The following PPP1R12A variants were observed in gnomAD, a reference collection of about 807,000 sequenced individuals.
PPP1R12A encodes protein phosphatase 1 regulatory subunit 12A.
In PPP1R12A, 19 loss-of-function variants were observed where a neutral mutation model predicts 139.6. The ratio of observed to expected loss-of-function variants is 0.14; its 90% CI spans 0.09 to 0.20. The LOEUF is 0.20. Ranked by LOEUF, PPP1R12A falls within the 10% of genes least tolerant of loss-of-function variation. The pLI, the probability that PPP1R12A is intolerant of heterozygous loss-of-function variation, is 1.00. For synonymous variants in PPP1R12A, 427 were observed against 420.6 expected (o/e 1.02, Z -0.19); for missense variants, 925 against 1,211.5 (o/e 0.76, Z 3.51).
intron 2 of PPP1R12A, among the ~76,000 whole-genome samples, chr12:79,867,524 A>T (rs1282191669): frequency 1.9e-5 from 1 of 52,310 alleles, no homozygotes; most frequent in Non-Finnish European, 9.1e-5. Context: ...AATATTACTT[A>T]AACTAGAAAA....
chr12:79,875,454 C>CT (rs1265694263), intron 1 of PPP1R12A, among the ~76,000 whole-genome samples: 8 of 151,864 alleles, frequency 5.3e-5, no homozygotes, highest in South Asian at 2.1e-4. Context: ...GGCAAGTGGC[C>CT]TCTTTTTTTC....
At chr12:79,843,147 G>A (rs1555215844) in intron 3 of PPP1R12A, among the ~76,000 whole-genome samples, 2 of 151,950 alleles carry the variant, frequency 1.3e-5, no homozygotes, top group Admixed American at 6.6e-5. Context: ...ATATTTCACT[G>A]TATATATATT....
chr12:79,786,570 T>C (rs1871161079), intron 21 of PPP1R12A, 92 bp from the exon 22 acceptor site: 1 of 778,646 alleles, frequency 1.3e-6, no homozygotes, highest in East Asian at 2.9e-5. Flanking sequence ...TTAAAACAGC[T>C]TAATGTAGCA....
At chr12:79,929,050 A>ATTCACAAAT (rs1401826970) in intron 1 of PPP1R12A, among the ~76,000 whole-genome samples, 2 of 152,090 alleles carry the variant, frequency 1.3e-5, no homozygotes, top group Non-Finnish European at 2.9e-5. Context: ...GTGAATGACA[A>ATTCACAAAT]TTTTTCCACA....
intron 3 of PPP1R12A, among the ~76,000 whole-genome samples, chr12:79,834,863 C>A (rs1264518347): frequency 1.3e-5 from 2 of 152,296 alleles, no homozygotes; most frequent in East Asian, 3.9e-4. Context: ...TACCTAGCAA[C>A]CTGAAAGTCA....
intron 9 of PPP1R12A, among the ~76,000 whole-genome samples, chr12:79,814,791 G>A (rs1272007793): frequency 1.7e-4 from 22 of 132,494 alleles, no homozygotes; most frequent in Non-Finnish European, 7.7e-5. Context: ...CCCCAGCCTG[G>A]GTGACAAGAG....
At chr12:79,875,456 C>T (rs1450078) in intron 1 of PPP1R12A, among the ~76,000 whole-genome samples, 139,251 of 152,224 alleles carry the variant, frequency 0.91, 63,989 homozygotes, top group Middle Eastern at 0.95. Flanking sequence ...CAAGTGGCCT[C>T]TTTTTTTCTA....
chr12:79,864,931 C>G (rs943029529), intron 2 of PPP1R12A, among the ~76,000 whole-genome samples: 1 of 152,118 alleles, frequency 6.6e-6, no homozygotes, highest in Non-Finnish European at 1.5e-5. Flanking sequence ...CTATTCTGAT[C>G]AACAGAAAAA....
At chr12:79,851,087 A>C (rs373358463) in intron 2 of PPP1R12A, among the ~76,000 whole-genome samples, 1 of 152,236 alleles carries the variant, frequency 6.6e-6, no homozygotes. Context: ...ACAAAGTTTT[A>C]AAAATCAGAA....
intron 8 of PPP1R12A, chr12:79,818,804 T>A (rs1402365796): frequency 6.6e-6 from 1 of 152,192 alleles, no homozygotes; most frequent in Non-Finnish European, 1.5e-5. Flanking sequence ...AATAATTTAT[T>A]TTACAAAATT....
intron 2 of PPP1R12A, among the ~76,000 whole-genome samples, chr12:79,863,450 C>T (rs1041144002): frequency 2.9e-4 from 44 of 151,978 alleles, no homozygotes; most frequent in Admixed American, 2.3e-3. Flanking sequence ...ATGACAGGAT[C>T]GAATTCACAC....
chr12:79,784,359 T>C (rs1166024373), intron 22 of PPP1R12A, among the ~76,000 whole-genome samples: 1 of 152,192 alleles, frequency 6.6e-6, no homozygotes, highest in Non-Finnish European at 1.5e-5. Context: ...CCTACTTCTC[T>C]TGCCAGGTAA....
chr12:79,840,723 T>A (rs2137188722), intron 3 of PPP1R12A, among the ~76,000 whole-genome samples: 1 of 152,338 alleles, frequency 6.6e-6, no homozygotes, highest in East Asian at 1.9e-4. Context: ...GTTTTGGCTC[T>A]TATCATCTTT....
intron 22 of PPP1R12A, among the ~76,000 whole-genome samples, chr12:79,784,721 T>G (rs1271722067): frequency 6.6e-6 from 1 of 152,104 alleles, no homozygotes; most frequent in Non-Finnish European, 1.5e-5. Context: ...TACTGCAACC[T>G]CCACCTCCCG....
At chr12:79,850,000 A>C (rs1385578014) in intron 2 of PPP1R12A, among the ~76,000 whole-genome samples, 1 of 152,094 alleles carries the variant, frequency 6.6e-6, no homozygotes, top group African/African-American at 2.4e-5. Flanking sequence ...AATTTAAAAA[A>C]AAAAAAATTT....
intron 9 of PPP1R12A, among the ~76,000 whole-genome samples, chr12:79,815,175 T>A (rs1875190301): frequency 6.6e-6 from 1 of 152,100 alleles, no homozygotes; most frequent in African/African-American, 2.4e-5. Flanking sequence ...AAAAGAAAAT[T>A]GAACACAGGA....
chr12:79,791,010 A>C (rs1270175970), intron 19 of PPP1R12A, among the ~76,000 whole-genome samples: 2 of 152,180 alleles, frequency 1.3e-5, no homozygotes, highest in African/African-American at 4.8e-5. Flanking sequence ...ATGTTTTACT[A>C]AAGTCTGTAA....
rs975678003 is a variant in PPP1R12A, at chr12:79,793,777, G to A, written c.2649+86C>T. 21 of 1,044,954 alleles carry A rather than the reference G, an allele frequency of 2.0e-5. No homozygotes were observed. In the African/African-American group the frequency reaches 2.8e-4, roughly 14 times the overall value. The allele number at this position is 1,044,954 out of a possible 1,614,324, so 64.7% of individuals were successfully genotyped here. A position where few individuals can be genotyped will look rare whatever the true frequency, so the allele number is the denominator to read the frequency against. On this transcript the variant is annotated intron_variant, in intron 19 of 24. Transcript: ENST00000450142. ...AGGTAGAGTATGCAATAACTGCTTT[G>A]CATGAATAAACATAATAAAACGCAA...
In PPP1R12A at chr12:79,911,275, T is replaced by C. The variant is rs1592817427; in HGVS notation, c.237+23420A>G. On this transcript the variant is annotated intron_variant, in intron 1 of 24. Transcript: ENST00000450142. The stretch of plus-strand genomic sequence containing the variant: ...GCAACACCCTGAGATTCCATTTCTA[T>C]CACTCGGCTTCAGCTCCTTCCTCAG... Among the ~76,000 whole-genome samples, 4 of 152,158 alleles carry C rather than the reference T, an allele frequency of 2.6e-5. No individual in the cohort carries two copies. The East Asian group carries it at 7.7e-4, about 29-fold the overall frequency.
Sources: gnomAD v4.1 joint callset for allele counts (sites outside exome capture counted in the v4.1 genomes callset) on GRCh38, gnomAD v4.1.1 for gene constraint, MANE v1.5 for transcripts, NCBI Gene and HGNC (gene_info 2026-07-23, HGNC 2026-07-21) for gene names.